TBR1: variants seen among roughly 807,000 people sequenced by gnomAD.
TBR1 encodes the protein T-box brain transcription factor 1.
TBR1 carries 7 observed loss-of-function variants against 60.3 expected under a neutral mutation model. The ratio of observed to expected loss-of-function variants is 0.12; its 90% CI spans 0.07 to 0.22. The LOEUF (loss-of-function observed/expected upper bound fraction) is 0.22. Among genes scored for constraint, TBR1 ranks in the 10% least tolerant of loss-of-function variants. The probability of loss-of-function intolerance (pLI) is 1.00; values close to 1 mark genes in which losing one functional copy is unlikely to be tolerated. For synonymous variants in TBR1, 417 were observed against 409.9 expected, an observed-to-expected ratio of 1.02 and a Z score of -0.21; for missense variants, 616 against 936.8, an observed-to-expected ratio of 0.66 and a Z score of 4.47.
Position 161,424,065 on chromosome 2 carries a change from G to A in TBR1, c.1887G>A (p.Ser629=), listed in dbSNP as rs141538890. Residue 629 remains serine, a synonymous_variant, in exon 6 of 6, where the codon TCG becomes TCA. Transcript: ENST00000389554. The surrounding 1 kb of genome is among the most constrained non-coding windows in gnomAD (Gnocchi z 4.4). ...TCAAGTCCATCGACTCCAGCGACTCGGGGATTTACGAGCAGGCCAAGCGGA... is the reference window on the plus strand; with the variant it reads ...TCAAGTCCATCGACTCCAGCGACTCAGGGATTTACGAGCAGGCCAAGCGGA... ...SSIKSIDSSD[S]GIYEQAKRRR... 1.2e-6 allele frequency: 2 copies of A among 1,610,428 alleles called. No homozygotes were observed.
At chr2:161,418,348 T>C (rs1349079864) in intron 3 of TBR1, 26 bp downstream of exon 3, 2 of 1,594,208 alleles carry the variant, frequency 1.3e-6, no homozygotes. Context: ...GCTCGTGTTT[T>C]CTCTCTCTCT....
intron 4 of TBR1, 81 bp downstream of exon 4, chr2:161,419,131 G>C: frequency 6.2e-7 from 1 of 1,601,044 alleles, no homozygotes; most frequent in South Asian, 1.1e-5. Context: ...GCCATGCAAG[G>C]CTAGGGTACT....
chr2:161,424,830 A>C lies in TBR1; in HGVS notation c.*603A>C, dbSNP rs1432483648. 1 of 152,672 alleles carries C rather than the reference A, an allele frequency of 6.5e-6. No individual in the cohort carries two copies. Among genetic ancestry groups the C allele is most frequent in the Non-Finnish European group, 1.5e-5 (1 of 68,046 alleles). 9.5% of individuals were successfully genotyped at this position (152,672 alleles called of 1,614,324 possible). ...TCTCGTCAAGGCACAAAACCAGTTC[A>C]TGCTTAACCTTTTTTTCCTTTCCTT... On this transcript the variant is annotated 3_prime_UTR_variant, in exon 6 of 6. Coordinates refer to ENST00000389554, the MANE Select transcript of TBR1 (RefSeq NM_006593.4). This position sits in a 1 kb window ranked among gnomAD's most constrained non-coding sequence, Gnocchi z 4.4.
chr2:161,419,021 A>G lies in TBR1; in HGVS notation c.1099A>G (p.Ile367Val), dbSNP rs1252743788. 6.2e-7 allele frequency: 1 copy of G among 1,614,202 alleles called. No individual in the cohort carries two copies. The highest frequency in any genetic ancestry group is 8.5e-7 in the Non-Finnish European group (1 of 1,180,024). Residue 367 changes from isoleucine (I) to valine (V), a missense_variant, in exon 4 of 6, where the codon ATC becomes GTC. Coordinates refer to ENST00000389554, the MANE Select transcript of TBR1 (RefSeq NM_006593.4). Reference sequence around the variant, plus strand: ...GTTCACTTTCCCTGAGACTCAGTTCATCGCCGTCACCGCCTACCAGAACAC... The same window carrying G: ...GTTCACTTTCCCTGAGACTCAGTTCGTCGCCGTCACCGCCTACCAGAACAC... ...QTFTFPETQF[I>V]AVTAYQNTDI...
rs771094892 is a variant in TBR1, at chr2:161,423,775, G to A, written c.1597G>A (p.Gly533Ser). 6.8e-7 allele frequency: 1 copy of A among 1,480,114 alleles called. No individual in the cohort carries two copies. The highest frequency in any genetic ancestry group is 2.8e-5 in the East Asian group (1 of 35,576). The allele number at this position is 1,480,114 out of a possible 1,614,324, so 91.7% of individuals were successfully genotyped here. A position where few individuals can be genotyped will look rare whatever the true frequency, so the allele number is the denominator to read the frequency against. Residue 533 changes from glycine (G) to serine (S), a missense_variant, in exon 6 of 6, where the codon GGC (glycine) becomes AGC (serine). By Grantham distance (56) the Gly-to-Ser change is moderately conservative. Coordinates refer to ENST00000389554, the MANE Select transcript of TBR1 (RefSeq NM_006593.4). ...ALPLQAAGCT[G>S]RPLGYYADPS... is the part of the protein sequence containing the mutation. ...GCCGCTGCAGGCTGCAGGCTGCACTGGCCGCCCGCTCGGCTACTACGCCGA... is the reference window on the plus strand; with the variant it reads ...GCCGCTGCAGGCTGCAGGCTGCACTAGCCGCCCGCTCGGCTACTACGCCGA...
intron 4 of TBR1, 91 bp downstream of exon 4, chr2:161,419,141 T>C (rs753409541): frequency 6.3e-7 from 1 of 1,581,008 alleles, no homozygotes; most frequent in African/African-American, 1.4e-5. Context: ...GCTAGGGTAC[T>C]AGCAGCGCTA....
intron 5 of TBR1, 57 bp from the exon 6 acceptor site, chr2:161,423,312 C>A (rs1214101712): frequency 1.1e-5 from 13 of 1,149,198 alleles, no homozygotes; most frequent in Non-Finnish European, 1.5e-5. Flanking sequence ...CCACCCCCAC[C>A]CCAAGGGACC....
Position 161,423,504 on chromosome 2 carries a change from G to A in TBR1, c.1326G>A (p.Lys442=). The A allele has an allele frequency of 6.3e-7, 1 of 1,595,396 alleles. No individual in the cohort carries two copies. Among genetic ancestry groups the A allele is most frequent in the Non-Finnish European group, 8.5e-7 (1 of 1,172,492 alleles). The change falls in exon 6 of 6, where the codon AAG becomes AAA. Residue 442 remains lysine, a synonymous_variant. Transcript: ENST00000389554. ...LQDQFVSNYA[K]ARFHPGAGAG... ...ACCAGTTCGTGAGCAACTACGCCAA[G>A]GCCCGCTTCCACCCGGGCGCGGGCG...
intron 2 of TBR1, 75 bp from the exon 3 acceptor site, chr2:161,418,126 G>GTGTGTC (rs1397354221): frequency 3.4e-6 from 5 of 1,456,256 alleles, no homozygotes. Context: ...GTGTGTGTGT[G>GTGTGTC]TGTGTCCTAC....
chr2:161,423,822 C>A lies in TBR1; in HGVS notation c.1644C>A (p.Arg548=). The change falls in exon 6 of 6, where the codon CGC becomes CGA. Residue 548 remains arginine, a synonymous_variant. Coordinates refer to ENST00000389554, the MANE Select transcript of TBR1 (RefSeq NM_006593.4). ...CCGACCCGTCGGGCTGGGGCGCCCG[C>A]AGTCCCCCGCAGTACTGCGGCACCA... ...YYADPSGWGA[R]SPPQYCGTKS... The A allele has an allele frequency of 6.8e-7, 1 of 1,474,918 alleles. No individual in the cohort carries two copies. Among genetic ancestry groups the A allele is most frequent in the Non-Finnish European group, 9.0e-7 (1 of 1,117,296 alleles). The allele number at this position is 1,474,918 out of a possible 1,614,324, so 91.4% of individuals were successfully genotyped here. A position where few individuals can be genotyped will look rare whatever the true frequency, so the allele number is the denominator to read the frequency against.
rs999643940 is a variant in TBR1, at chr2:161,418,468, A to G, written c.969+146A>G. The G allele has an allele frequency of 6.6e-6, 8 of 1,212,804 alleles. No individual in the cohort carries two copies. The African/African-American group carries it at 1.1e-4, about 16-fold the overall frequency. The allele number at this position is 1,212,804 out of a possible 1,614,324, so 75.1% of individuals were successfully genotyped here. Reference sequence around the variant, plus strand: ...CTTAAAAATTGTATTTCCACCCTCCAAATTTATATTAAATCTGTAAAGTTG... The same window carrying G: ...CTTAAAAATTGTATTTCCACCCTCCGAATTTATATTAAATCTGTAAAGTTG... On this transcript the variant is annotated intron_variant, in intron 3 of 5. Coordinates refer to ENST00000389554, the MANE Select transcript of TBR1 (RefSeq NM_006593.4).
intron 5 of TBR1, 93 bp downstream of exon 5, chr2:161,420,350 A>G (rs551894975): frequency 2.2e-6 from 2 of 919,126 alleles, no homozygotes; most frequent in African/African-American, 3.4e-5. Flanking sequence ...TGAAAGCTGG[A>G]ATGTGTGAAG....
chr2:161,419,446 TA>T (rs3835936), intron 4 of TBR1: 41 of 174,308 alleles, frequency 2.4e-4, no homozygotes, highest in Non-Finnish European at 4.2e-4. Flanking sequence ...CTTTGGCATC[TA>T]AAAAAAAATT....
intron 5 of TBR1, 112 bp downstream of exon 5, chr2:161,420,369 GT>G (rs1156693018): frequency 7.6e-5 from 29 of 383,618 alleles, no homozygotes; most frequent in Non-Finnish European, 8.6e-6. Context: ...AGACAAGGTT[GT>G]TTTAGAGGAC....
At position 161,416,496 on chromosome 2, in the gene TBR1, G is replaced by C. The variant is rs1460903562; in HGVS notation, c.86G>C (p.Gly29Ala). The C allele has an allele frequency of 6.2e-7, 1 of 1,613,982 alleles. No homozygotes were observed. Among genetic ancestry groups the C allele is most frequent in the African/African-American group, 1.3e-5 (1 of 74,890 alleles). Residue 29 changes from glycine to alanine, a missense_variant, in exon 1 of 6, where the codon GGA becomes GCA. Physicochemically the swap from Gly to Ala is moderately conservative, Grantham distance 60. Coordinates refer to ENST00000389554, the MANE Select transcript of TBR1 (RefSeq NM_006593.4). This position sits in a 1 kb window ranked among gnomAD's most constrained non-coding sequence, Gnocchi z 6.1. ...AGCAGCAGCTACCCACATTCAGGCG[G>C]ATCCGAGCTTGTCTTGCACGATCAT... The part of the protein sequence containing the change: ...NVSSSYPHSG[G>A]SELVLHDHPI...
chr2:161,416,658 T>C lies in TBR1; in HGVS notation c.248T>C (p.Leu83Pro), dbSNP rs760701536. ...CCAGGGGACGTCCAGAGAAGTAAACTCTCTCCTGTCTTGGACGGGGTCTCT... is the reference window on the plus strand; with the variant it reads ...CCAGGGGACGTCCAGAGAAGTAAACCCTCTCCTGTCTTGGACGGGGTCTCT... ...DSPGDVQRSK[L>P]SPVLDGVSEL... Residue 83 changes from leucine (L) to proline (P), a missense_variant, in exon 1 of 6, where the codon CTC becomes CCC. Physicochemically the swap from Leu to Pro is moderately conservative, Grantham distance 98 (BLOSUM62 -3). Around this residue, in one of 8 missense-constraint regions of TBR1, gnomAD observed 211 missense variants for 268.7 expected, o/e 0.79. Transcript: ENST00000389554. This position sits in a 1 kb window ranked among gnomAD's most constrained non-coding sequence, Gnocchi z 6.1. The C allele has an allele frequency of 1.2e-6, 2 of 1,614,036 alleles. No individual in the cohort carries two copies. The highest frequency in any genetic ancestry group is 2.7e-5 in the African/African-American group (2 of 74,914).
rs746242590 is a variant in TBR1 at position 161,420,155 on chromosome 2, G to A, written c.1129-41G>A. On this transcript the variant is annotated intron_variant, in intron 4 of 5. Transcript: ENST00000389554. ...ATATTCTCAAACACCCAGTCTTCAC[G>A]TATAAAAGGTGAGATAACATTCATT... 46 of 1,548,988 alleles carry A rather than the reference G, an allele frequency of 3.0e-5. No homozygotes were observed. The Admixed American group carries it at 4.1e-4, about 14-fold the overall frequency.
At chr2:161,423,310 A>AC in intron 5 of TBR1, 59 bp from the exon 6 acceptor site, 6 of 277,918 alleles carry the variant, frequency 2.2e-5, no homozygotes, top group South Asian at 1.5e-4. Context: ...CCCCACCCCC[A>AC]CCCCAAGGGA....
In TBR1 at chr2:161,423,708, G is replaced by A. The variant is rs1684274027; in HGVS notation, c.1530G>A (p.Ala510=). 6.5e-7 allele frequency: 1 copy of A among 1,533,722 alleles called. No individual in the cohort carries two copies. The highest frequency in any genetic ancestry group is 8.7e-7 in the Non-Finnish European group (1 of 1,149,594). ...YDTATDFAGN[A]ATLLSYAAAG... ...CGGCCACGGACTTCGCGGGCAACGC[G>A]GCCACGCTGCTCTCTTACGCGGCGG... The change falls in exon 6 of 6, where the codon GCG becomes GCA. Residue 510 remains alanine (A), a synonymous_variant. Coordinates refer to ENST00000389554, the MANE Select transcript of TBR1 (RefSeq NM_006593.4).
Sources: allele counts gnomAD v4.1 joint callset, GRCh38; gene constraint gnomAD v4.1.1; regional missense constraint gnomAD v4.1.1; non-coding constraint Gnocchi (gnomAD v3.1); transcripts MANE v1.5; gene names NCBI Gene and HGNC (gene_info 2026-07-23, HGNC 2026-07-21).